WWC1: variants seen among roughly 807,000 people sequenced by gnomAD.
WWC1 encodes the protein protein KIBRA.
Under a neutral mutation model 138.4 loss-of-function variants are expected in WWC1, and 55 were observed. The observed-to-expected ratio is 0.40, with a 90% CI of 0.32 to 0.50. The LOEUF is 0.50. WWC1 is among the 20% of genes least tolerant of loss of function. The probability of loss-of-function intolerance (pLI) is 0.72; values close to 1 mark genes in which losing one functional copy is unlikely to be tolerated. For missense variants in WWC1, 1,226 were observed against 1,420.4 expected (o/e 0.86, Z 2.20); for synonymous variants, 524 against 564.9 (o/e 0.93, Z 1.03).
chr5:168,311,875 TAAA>T (rs879658323), intron 1 of WWC1, among the ~76,000 whole-genome samples: 1 of 136,526 alleles, frequency 7.3e-6, no homozygotes, highest in Non-Finnish European at 1.6e-5. Context: ...AGACTCAGTC[TAAA>T]AAAAAAAAAA....
intron 12 of WWC1, 105 bp downstream of exon 12, chr5:168,428,246 T>TG: frequency 8.7e-7 from 1 of 1,146,192 alleles, no homozygotes; most frequent in South Asian, 1.5e-5. Flanking sequence ...CCCCACAGTG[T>TG]GTGGGAGGAG....
chr5:168,314,333 T>C (rs1035973464), intron 1 of WWC1, among the ~76,000 whole-genome samples: 5 of 152,006 alleles, frequency 3.3e-5, no homozygotes, highest in African/African-American at 1.2e-4. Context: ...TTTGGGAGGC[T>C]GAGGCGGGTG....
intron 11 of WWC1, among the ~76,000 whole-genome samples, chr5:168,425,835 C>T (rs1272216468): frequency 6.6e-6 from 1 of 152,078 alleles, no homozygotes; most frequent in African/African-American, 2.4e-5. Context: ...AAAAGTGAGG[C>T]ACAGTGAGGT....
chr5:168,410,077 T>G (rs73805124), intron 8 of WWC1, 82 bp downstream of exon 8: 1 of 1,323,612 alleles, frequency 7.6e-7, no homozygotes, highest in African/African-American at 1.4e-5. Flanking sequence ...GCTTAGCTTT[T>G]CACACACTTC....
intron 3 of WWC1, among the ~76,000 whole-genome samples, chr5:168,390,468 T>C (rs558878794): frequency 3.3e-5 from 5 of 152,280 alleles, no homozygotes; most frequent in Admixed American, 3.3e-4. Flanking sequence ...TTGTTAAATA[T>C]CTTCTATCTG....
chr5:168,319,019 A>G (rs1045851837), intron 1 of WWC1, among the ~76,000 whole-genome samples: 1 of 152,264 alleles, frequency 6.6e-6, no homozygotes, highest in African/African-American at 2.4e-5. Context: ...ACACATACAT[A>G]CACACATATA....
At chr5:168,360,203 T>TA (rs1281291202) in intron 1 of WWC1, among the ~76,000 whole-genome samples, 2 of 152,232 alleles carry the variant, frequency 1.3e-5, no homozygotes, top group Non-Finnish European at 2.9e-5. Context: ...GCCTAGGTGA[T>TA]ATCAGTTGTA....
intron 1 of WWC1, among the ~76,000 whole-genome samples, chr5:168,297,483 A>G (rs1488651845): frequency 6.6e-6 from 1 of 152,114 alleles, no homozygotes; most frequent in African/African-American, 2.4e-5. Flanking sequence ...AAAATTAGCC[A>G]GGCATGGCGG....
chr5:168,404,523 G>A (rs956101012), intron 5 of WWC1, among the ~76,000 whole-genome samples: 2 of 152,176 alleles, frequency 1.3e-5, no homozygotes, highest in Non-Finnish European at 2.9e-5. Context: ...TCCATGCCTC[G>A]CTCTCTCCTC....
At chr5:168,393,413 A>G (rs1379358813) in intron 3 of WWC1, among the ~76,000 whole-genome samples, 1 of 152,226 alleles carries the variant, frequency 6.6e-6, no homozygotes, top group African/African-American at 2.4e-5. Context: ...GACTCAGAAT[A>G]GCTCCAGACT....
At chr5:168,405,230 T>G (rs1277185349) in intron 5 of WWC1, among the ~76,000 whole-genome samples, 1 of 152,178 alleles carries the variant, frequency 6.6e-6, no homozygotes, top group African/African-American at 2.4e-5. Flanking sequence ...GCTCAACACA[T>G]GCTTATTAAA....
intron 21 of WWC1, 198 bp from the exon 22 acceptor site, chr5:168,467,642 T>A (rs2152898136): frequency 1.3e-6 from 1 of 744,156 alleles, no homozygotes; most frequent in South Asian, 2.2e-5. Context: ...TTATTCCGTT[T>A]CCTGGCCCCA....
rs75466237 is a variant in WWC1 at position 168,327,767 on chromosome 5, A to G, written c.119+35496A>G. On this transcript the variant is annotated intron_variant, in intron 1 of 22. Transcript: ENST00000265293. ...AACAAAAGCCTGAGTGTGGTATAGC[A>G]TTAAGTTGGCTGCTGTCTCCACTCT... Among the ~76,000 whole-genome samples the G allele has an allele frequency of 1.9e-3, 286 of 152,304 alleles. 2 individuals carry two copies. The highest frequency in any genetic ancestry group is 4.6e-3 in the Admixed American group (71 of 15,304).
In WWC1 at chr5:168,467,958, C is replaced by T. The variant is rs1245288638; in HGVS notation, c.3269C>T (p.Ser1090Phe). 1 of 1,614,236 alleles carries T rather than the reference C, an allele frequency of 6.2e-7. No homozygotes were observed. ...QSCKEPPEVQ[S>F]FREKMAFFTR... ...TGTAAGGAACCCCCAGAAGTTCAGTCTTTCAGGTAAGCAGAGGGCCCCGGC... is the reference window on the plus strand; with the variant it reads ...TGTAAGGAACCCCCAGAAGTTCAGTTTTTCAGGTAAGCAGAGGGCCCCGGC... Residue 1090 changes from serine (S) to phenylalanine (F), a missense_variant, in exon 22 of 23, where the codon TCT becomes TTT. Physicochemically the swap from Ser to Phe is radical, Grantham distance 155. This residue lies in a region of WWC1 where 206 missense variants were observed against 247.4 expected (regional missense o/e 0.83). Transcript: ENST00000265293.
At chr5:168,361,682 A>T (rs959903602) in intron 1 of WWC1, among the ~76,000 whole-genome samples, 1 of 152,164 alleles carries the variant, frequency 6.6e-6, no homozygotes, top group African/African-American at 2.4e-5. Flanking sequence ...CAAGTCTTTT[A>T]TCTCTGTCCC....
intron 20 of WWC1, among the ~76,000 whole-genome samples, chr5:168,463,571 C>T (rs1161207588): frequency 6.6e-6 from 1 of 152,128 alleles, no homozygotes; most frequent in African/African-American, 2.4e-5. Flanking sequence ...ATTTGAGAAA[C>T]CATTTTAGAA....
chr5:168,452,415 T>C (rs1422762669), intron 17 of WWC1, among the ~76,000 whole-genome samples: 2 of 152,078 alleles, frequency 1.3e-5, no homozygotes, highest in Admixed American at 6.5e-5. Context: ...TACGAGGATA[T>C]TTGGACACAC....
rs181283822 is a variant in WWC1 at position 168,435,575 on chromosome 5, T to G, written c.2280+4131T>G. 9.2e-5 allele frequency among the ~76,000 whole-genome samples: 14 copies of G among 152,158 alleles called. No homozygotes were observed. The East Asian group carries it at 2.5e-3, about 27-fold the overall frequency. On this transcript the variant is annotated intron_variant, in intron 15 of 22. Transcript: ENST00000265293. ...ACAGGCACATGCCACCATGGCCGGC[T>G]AATTTTTGTATTTTTTGTAGAGATG...
chr5:168,351,213 T>C (rs1774929586), intron 1 of WWC1, among the ~76,000 whole-genome samples: 1 of 151,906 alleles, frequency 6.6e-6, no homozygotes, highest in Non-Finnish European at 1.5e-5. Flanking sequence ...CCAATCTCTC[T>C]TAGTTAACAA....
Sources: gnomAD v4.1 joint callset for allele counts (sites outside exome capture counted in the v4.1 genomes callset) on GRCh38, gnomAD v4.1.1 for gene constraint, gnomAD v4.1.1 regional missense constraint, MANE v1.5 for transcripts, NCBI Gene and HGNC (gene_info 2026-07-23, HGNC 2026-07-21) for gene names.